SMAP1: variants seen among roughly 807,000 people sequenced by gnomAD.
The protein encoded by SMAP1 is stromal membrane-associated protein 1.
In SMAP1, 24 loss-of-function variants were observed where a neutral mutation model predicts 58.5. The ratio of observed to expected loss-of-function variants is 0.41; its 90% confidence interval spans 0.30 to 0.58. SMAP1 has a LOEUF of 0.58. Ranked by LOEUF, SMAP1 falls within the 20% of genes least tolerant of loss-of-function variation. The pLI, the probability that SMAP1 is intolerant of heterozygous loss-of-function variation, is 0.29. For missense variants in SMAP1, 563 were observed against 566.3 expected (o/e 0.99, Z 0.06); for synonymous variants, 216 against 196.6 (o/e 1.10, Z -0.82).
rs566006845 is a variant in SMAP1 at position 70,860,492 on chromosome 6, A to G, written c.*158A>G. The G allele has an allele frequency of 1.9e-5, 14 of 725,864 alleles. No homozygotes were observed. The highest frequency in any genetic ancestry group is 3.8e-4 in the Middle Eastern group (1 of 2,634). The allele number at this position is 725,864 out of a possible 1,614,324, so 45.0% of individuals were successfully genotyped here. On this transcript the variant is annotated 3_prime_UTR_variant, in exon 11 of 11. Coordinates refer to ENST00000370455, the MANE Select transcript of SMAP1 (RefSeq NM_001044305.3). ...GACCGTGTTGGTCTGTACTGATTCA[A>G]TTTGATGTGGTGAAAAGCAGGTTGA...
intron 1 of SMAP1, among the ~76,000 whole-genome samples, chr6:70,712,042 C>G (rs1412864518): frequency 1.3e-5 from 2 of 152,186 alleles, no homozygotes; most frequent in African/African-American, 4.8e-5. Flanking sequence ...TTCTCCCCCA[C>G]AGATTATTAT....
intron 1 of SMAP1, among the ~76,000 whole-genome samples, chr6:70,701,909 C>T (rs553668293): frequency 6.6e-6 from 1 of 152,290 alleles, no homozygotes; most frequent in Admixed American, 6.5e-5. Context: ...TCTGTTTGTT[C>T]ATCTTGCTCT....
At chr6:70,736,648 G>A (rs1226136599) in intron 2 of SMAP1, among the ~76,000 whole-genome samples, 2 of 152,168 alleles carry the variant, frequency 1.3e-5, no homozygotes, top group African/African-American at 4.8e-5. Flanking sequence ...GAAATAATGA[G>A]CTGTTTGGAA....
intron 3 of SMAP1, among the ~76,000 whole-genome samples, chr6:70,764,423 G>A (rs973619607): frequency 3.9e-5 from 6 of 152,232 alleles, no homozygotes; most frequent in Admixed American, 3.3e-4. Flanking sequence ...TGGCTTCAGC[G>A]CTTCAAGACA....
At chr6:70,683,220 G>A (rs1766798398) in intron 1 of SMAP1, among the ~76,000 whole-genome samples, 1 of 145,550 alleles carries the variant, frequency 6.9e-6, no homozygotes, top group Non-Finnish European at 1.5e-5. Flanking sequence ...GCCCAGGCTG[G>A]AGTGCAGTGG....
In SMAP1 at chr6:70,778,106, T is replaced by C. The variant is rs574673963; in HGVS notation, c.414+4681T>C. On this transcript the variant is annotated intron_variant, in intron 4 of 10. Transcript: ENST00000370455. ...AATTTTTGTGGGTGTATAGTAGGTG[T>C]ATATATTTATAGGAGACATGAGATG... Among the ~76,000 whole-genome samples the C allele has an allele frequency of 2.6e-4, 39 of 152,240 alleles. 1 individual carries two copies. The South Asian group carries it at 7.7e-3, about 30-fold the overall frequency.
intron 6 of SMAP1, among the ~76,000 whole-genome samples, chr6:70,826,092 T>C (rs1263698516): frequency 6.6e-6 from 1 of 152,220 alleles, no homozygotes; most frequent in Non-Finnish European, 1.5e-5. Context: ...GAAGCACTTA[T>C]GTGCCAGCTA....
chr6:70,699,320 C>T (rs1767533713), intron 1 of SMAP1, among the ~76,000 whole-genome samples: 1 of 152,192 alleles, frequency 6.6e-6, no homozygotes, highest in Admixed American at 6.5e-5. Flanking sequence ...CCCATGTGAC[C>T]ACCACCACTG....
At chr6:70,794,928 G>A (rs1666239239) in intron 5 of SMAP1, among the ~76,000 whole-genome samples, 2 of 151,650 alleles carry the variant, frequency 1.3e-5, no homozygotes, top group African/African-American at 4.8e-5. Flanking sequence ...AGCTGGGACT[G>A]CAGGTGCCCA....
intron 1 of SMAP1, among the ~76,000 whole-genome samples, chr6:70,724,836 T>C (rs1157301450): frequency 1.3e-5 from 2 of 152,014 alleles, no homozygotes; most frequent in Non-Finnish European, 2.9e-5. Context: ...TTTAAAGAAC[T>C]TTTTTCTTAA....
chr6:70,769,459 A>G (rs1387573628), intron 3 of SMAP1, among the ~76,000 whole-genome samples: 1 of 152,194 alleles, frequency 6.6e-6, no homozygotes, highest in Non-Finnish European at 1.5e-5. Context: ...ATATATATTT[A>G]GGATAGTTAG....
chr6:70,826,916 C>T (rs1230917014), intron 6 of SMAP1, among the ~76,000 whole-genome samples: 1 of 103,398 alleles, frequency 9.7e-6, no homozygotes, highest in African/African-American at 3.9e-5. Flanking sequence ...GCCTGGGCAA[C>T]AGAGTGAAAC....
chr6:70,686,023 C>T (rs1399729358), intron 1 of SMAP1, among the ~76,000 whole-genome samples: 2 of 152,170 alleles, frequency 1.3e-5, no homozygotes, highest in Non-Finnish European at 2.9e-5. Context: ...TTACCTCAGC[C>T]TCCCAGGTAG....
chr6:70,763,023 G>A (rs1484360456), intron 3 of SMAP1, among the ~76,000 whole-genome samples: 1 of 148,312 alleles, frequency 6.7e-6, no homozygotes, highest in Non-Finnish European at 1.5e-5. Context: ...CACAAACTCA[G>A]TATTTGTAAA....
At chr6:70,679,018 T>C (rs552456413) in intron 1 of SMAP1, among the ~76,000 whole-genome samples, 17 of 151,912 alleles carry the variant, frequency 1.1e-4, no homozygotes, top group African/African-American at 3.9e-4. Context: ...TCTAGATTTT[T>C]TGTTTTTTTT....
chr6:70,812,018 A>G (rs1415464529), intron 6 of SMAP1, among the ~76,000 whole-genome samples: 1 of 152,220 alleles, frequency 6.6e-6, no homozygotes, highest in African/African-American at 2.4e-5. Context: ...CGCTGGGACA[A>G]TATTTCATCA....
intron 4 of SMAP1, among the ~76,000 whole-genome samples, chr6:70,783,552 G>GA (rs1349473186): frequency 1.3e-5 from 2 of 151,850 alleles, no homozygotes; most frequent in Non-Finnish European, 2.9e-5. Context: ...TAAAAACTTT[G>GA]AAAAAAAATT....
chr6:70,706,370 C>T (rs1240057206), intron 1 of SMAP1, among the ~76,000 whole-genome samples: 1 of 152,102 alleles, frequency 6.6e-6, no homozygotes, highest in South Asian at 2.1e-4. Context: ...AGTCAACTAA[C>T]TTCTTGTTTT....
At chr6:70,730,247 G>A (rs1765370609) in intron 1 of SMAP1, among the ~76,000 whole-genome samples, 1 of 152,088 alleles carries the variant, frequency 6.6e-6, no homozygotes, top group Non-Finnish European at 1.5e-5. Context: ...AGACCACTGT[G>A]GTTTCACTAT....
Sources: gnomAD v4.1 joint callset for allele counts (sites outside exome capture counted in the v4.1 genomes callset) on GRCh38, gnomAD v4.1.1 for gene constraint, MANE v1.5 for transcripts, NCBI Gene and HGNC (gene_info 2026-07-23, HGNC 2026-07-21) for gene names.